The following SLC41A2 variants were observed in gnomAD, a reference collection of about 807,000 sequenced individuals.
The protein encoded by SLC41A2 is SLC41A1-like 1.
SLC41A2 carries 32 observed loss-of-function variants against 58.3 expected under a neutral mutation model. That is an observed-to-expected ratio of 0.55 (90% confidence interval 0.41 to 0.74). SLC41A2 has a LOEUF of 0.74. Among genes scored for constraint, SLC41A2 ranks in the 30% least tolerant of loss-of-function variants. The probability of loss-of-function intolerance (pLI) is 0.00; values close to 1 mark genes in which losing one functional copy is unlikely to be tolerated. For synonymous variants in SLC41A2, 190 were observed against 235.0 expected (o/e 0.81, Z 1.75); for missense variants, 514 against 680.6 (o/e 0.76, Z 2.72).
chr12:104,921,519 A>G (rs1310829819), intron 2 of SLC41A2, among the ~76,000 whole-genome samples: 1 of 151,808 alleles, frequency 6.6e-6, no homozygotes, highest in Non-Finnish European at 1.5e-5. Context: ...AAAAAAAGCT[A>G]CCATCCAAGA....
At chr12:104,907,678 T>C (rs1443608715) in intron 3 of SLC41A2, among the ~76,000 whole-genome samples, 2 of 152,316 alleles carry the variant, frequency 1.3e-5, no homozygotes, top group South Asian at 4.1e-4. Context: ...AGGAACATTC[T>C]GGAATGTGAC....
intron 10 of SLC41A2, among the ~76,000 whole-genome samples, chr12:104,823,631 A>G (rs1053588778): frequency 6.6e-6 from 1 of 152,176 alleles, no homozygotes; most frequent in Non-Finnish European, 1.5e-5. Context: ...AATTAATTCA[A>G]AATGGTCAGA....
chr12:104,809,298 T>C (rs2041066625), intron 10 of SLC41A2, among the ~76,000 whole-genome samples: 1 of 152,256 alleles, frequency 6.6e-6, no homozygotes, highest in Non-Finnish European at 1.5e-5. Flanking sequence ...GACCTTTCAC[T>C]AACCTGGCAA....
intron 3 of SLC41A2, 35 bp downstream of exon 3, chr12:104,909,620 G>A: frequency 7.4e-7 from 1 of 1,346,366 alleles, no homozygotes; most frequent in East Asian, 2.3e-5. Flanking sequence ...AACAGGATAG[G>A]TAATACACAT....
chr12:104,832,452 C>T (rs943167468), intron 10 of SLC41A2, among the ~76,000 whole-genome samples: 1 of 152,112 alleles, frequency 6.6e-6, no homozygotes. Context: ...GAACAAATGC[C>T]TAAAAATATC....
intron 4 of SLC41A2, among the ~76,000 whole-genome samples, chr12:104,890,311 C>T (rs2044889659): frequency 6.6e-6 from 1 of 152,164 alleles, no homozygotes; most frequent in Admixed American, 6.5e-5. Context: ...TCCACAGATA[C>T]AGAGCTGAGA....
chr12:104,820,547 T>G (rs2041587584), intron 10 of SLC41A2, among the ~76,000 whole-genome samples: 1 of 152,218 alleles, frequency 6.6e-6, no homozygotes, highest in Non-Finnish European at 1.5e-5. Flanking sequence ...AGTAGATAAG[T>G]TAACAAGAAA....
intron 4 of SLC41A2, among the ~76,000 whole-genome samples, chr12:104,891,702 A>G (rs2044981405): frequency 6.6e-6 from 1 of 151,902 alleles, no homozygotes; most frequent in Non-Finnish European, 1.5e-5. Flanking sequence ...TAAAGCAATC[A>G]GATAAGAGAA....
intron 6 of SLC41A2, among the ~76,000 whole-genome samples, chr12:104,879,191 T>C (rs548962266): frequency 3.3e-5 from 5 of 152,378 alleles, no homozygotes; most frequent in African/African-American, 1.2e-4. Flanking sequence ...TTAAGTTCTT[T>C]GTAGATTCTG....
intron 6 of SLC41A2, among the ~76,000 whole-genome samples, chr12:104,882,102 T>C (rs1403863393): frequency 1.3e-5 from 2 of 152,184 alleles, no homozygotes; most frequent in Non-Finnish European, 2.9e-5. Flanking sequence ...TTTTTGTTGG[T>C]TTAAAGTCTG....
At chr12:104,833,631 C>T (rs1472369747) in intron 10 of SLC41A2, among the ~76,000 whole-genome samples, 1 of 151,962 alleles carries the variant, frequency 6.6e-6, no homozygotes, top group Non-Finnish European at 1.5e-5. Context: ...AATACATTTC[C>T]CTAGATAGTA....
In SLC41A2 at chr12:104,955,900, A is replaced by G. The variant is rs1307337605; in HGVS notation, c.-168+2188T>C. Among the ~76,000 whole-genome samples the G allele has an allele frequency of 6.6e-5, 10 of 152,212 alleles. No individual in the cohort carries two copies. The East Asian group carries it at 1.9e-3, about 29-fold the overall frequency. On this transcript the variant is annotated intron_variant, in intron 1 of 10. Transcript: ENST00000258538. ...TCAAAAATATTTATTTACCACCCAC[A>G]CATGAACATAATTGTAATAAAAACT...
chr12:104,938,521 C>T (rs1308511258), intron 1 of SLC41A2, among the ~76,000 whole-genome samples: 2 of 152,162 alleles, frequency 1.3e-5, no homozygotes, highest in African/African-American at 4.8e-5. Flanking sequence ...AGAATAAGAG[C>T]AGCAGCAACA....
At chr12:104,929,320 A>T (rs562808119) in intron 1 of SLC41A2, among the ~76,000 whole-genome samples, 2 of 152,342 alleles carry the variant, frequency 1.3e-5, no homozygotes, top group East Asian at 3.9e-4. Flanking sequence ...ATTATAATTG[A>T]TTTAGGAATA....
chr12:104,832,790 C>T (rs2042084540), intron 10 of SLC41A2, among the ~76,000 whole-genome samples: 1 of 152,026 alleles, frequency 6.6e-6, no homozygotes, highest in Admixed American at 6.6e-5. Flanking sequence ...AACATACAGA[C>T]TTGTTTTCTT....
intron 6 of SLC41A2, among the ~76,000 whole-genome samples, chr12:104,877,736 C>T (rs925421014): frequency 3.3e-5 from 5 of 152,122 alleles, no homozygotes; most frequent in Non-Finnish European, 7.3e-5. Context: ...TGGTGGCTCA[C>T]GCCTGTAATC....
intron 6 of SLC41A2, among the ~76,000 whole-genome samples, chr12:104,878,300 TA>T (rs1381029941): frequency 1.9e-3 from 16 of 8,504 alleles, no homozygotes; most frequent in African/African-American, 9.1e-3. Flanking sequence ...ACCTGTATTT[TA>T]TATATATATA....
chr12:104,889,327 T>G (rs941621338), intron 4 of SLC41A2, 150 bp from the exon 5 acceptor site: 2 of 804,252 alleles, frequency 2.5e-6, no homozygotes, highest in Non-Finnish European at 3.8e-6. Flanking sequence ...TACTATATTT[T>G]GGTTTTAATA....
chr12:104,872,543 G>C (rs2043839775), intron 6 of SLC41A2, among the ~76,000 whole-genome samples: 1 of 152,132 alleles, frequency 6.6e-6, no homozygotes, highest in African/African-American at 2.4e-5. Context: ...AGACCAGCCT[G>C]GCCAAGATGG....
Sources: gnomAD v4.1 joint callset for allele counts (sites outside exome capture counted in the v4.1 genomes callset) on GRCh38, gnomAD v4.1.1 for gene constraint, MANE v1.5 for transcripts, NCBI Gene and HGNC (gene_info 2026-07-23, HGNC 2026-07-21) for gene names.